TNC: variants seen among roughly 807,000 people sequenced by gnomAD.
The protein encoded by TNC is tenascin C, also known as tenascin.
In TNC, 109 loss-of-function variants were observed where a neutral mutation model predicts 202.4. The observed-to-expected ratio is 0.54, with a 90% confidence interval of 0.46 to 0.63. The LOEUF (loss-of-function observed/expected upper bound fraction) is 0.63, where lower values mean the gene tolerates loss of function less well. Among genes scored for constraint, TNC ranks in the 30% least tolerant of loss-of-function variants. The pLI is 0.00. For missense variants in TNC, 2,756 were observed against 2,833.3 expected, an observed-to-expected ratio of 0.97 and a Z score of 0.62; for synonymous variants, 1,007 against 1,089.7, an observed-to-expected ratio of 0.92 and a Z score of 1.50.
chr9:115,089,608 C>T (rs1218670718), intron 2 of TNC, among the ~76,000 whole-genome samples: 1 of 152,230 alleles, frequency 6.6e-6, no homozygotes, highest in African/African-American at 2.4e-5. Flanking sequence ...TCAAGTGATT[C>T]TCCTGCCTCA....
At chr9:115,116,763 C>T (rs536978445) in intron 1 of TNC, among the ~76,000 whole-genome samples, 15 of 152,240 alleles carry the variant, frequency 9.9e-5, no homozygotes, top group African/African-American at 3.1e-4. Context: ...CTTCCAGCCC[C>T]GGGCTACTAC....
Position 115,031,541 on chromosome 9 carries a change from G to A in TNC, c.5920+12C>T. ...AGATCTCAAGGCTGGATGGCACCCT[G>A]GGCCTCCTTACTTGTGGTGAAGATG... On this transcript the variant is annotated intron_variant, in intron 23 of 27. Coordinates refer to ENST00000350763, the MANE Select transcript of TNC (RefSeq NM_002160.4). The A allele has an allele frequency of 1.9e-6, 3 of 1,539,486 alleles. No individual in the cohort carries two copies. The highest frequency in any genetic ancestry group is 2.6e-6 in the Non-Finnish European group (3 of 1,142,892).
At chr9:115,037,501 C>T (rs1830419839) in intron 20 of TNC, among the ~76,000 whole-genome samples, 1 of 152,162 alleles carries the variant, frequency 6.6e-6, no homozygotes, top group African/African-American at 2.4e-5. Context: ...AACAAGAAAA[C>T]ATTTCTGTTT....
chr9:115,052,525 G>A, intron 15 of TNC, among the ~76,000 whole-genome samples: 1 of 150,054 alleles, frequency 6.7e-6, no homozygotes, highest in Non-Finnish European at 1.5e-5. Context: ...TGAGGTGATT[G>A]ATATGTTAAT....
chr9:115,030,249 CT>C lies in TNC; in HGVS notation c.6072+4del. ...GAGGGCTCTGCAGTCCCTGGTGGTA[CT>C]CACAATCCATCCACCCCCATCAGAG... On this transcript the variant is annotated splice_donor_region_variant and intron_variant, in intron 24 of 27. Transcript: ENST00000350763. The C allele has an allele frequency of 6.2e-7, 1 of 1,606,534 alleles. No individual in the cohort carries two copies.
In TNC at chr9:115,030,767, G is replaced by T. The variant is rs192976006; in HGVS notation, c.5921-362C>A. ...GAAGCACTTTCTTCAGCAGATGTGT[G>T]CAGAATGACTGTCCCGTGAATTTTC... On this transcript the variant is annotated intron_variant, in intron 23 of 27. Transcript: ENST00000350763. Among the ~76,000 whole-genome samples, 215 of 152,312 alleles carry T rather than the reference G, an allele frequency of 1.4e-3. 1 individual carries two copies. The highest frequency in any genetic ancestry group is 2.4e-3 in the Non-Finnish European group (162 of 68,022).
chr9:115,020,053 T>C lies in TNC; in HGVS notation c.*1104A>G, dbSNP rs1195088981. On this transcript the variant is annotated 3_prime_UTR_variant, in exon 28 of 28. Coordinates refer to ENST00000350763, the MANE Select transcript of TNC (RefSeq NM_002160.4). ...AAGCTTTTTTTTTCTTTTCTTTTTT[T>C]ATTTAGAGACAGGGTCTCCCTCTGT... 6.6e-6 allele frequency: 1 copy of C among 152,060 alleles called. No individual in the cohort carries two copies. The highest frequency in any genetic ancestry group is 2.4e-5 in the African/African-American group (1 of 41,378). 9.4% of individuals were successfully genotyped at this position (152,060 alleles called of 1,614,324 possible). A position where few individuals can be genotyped will look rare whatever the true frequency, so the allele number is the denominator to read the frequency against.
At position 115,063,115 on chromosome 9, in the gene TNC, G is replaced by T; in HGVS notation, c.3835C>A (p.Pro1279Thr). 1 of 1,614,142 alleles carries T rather than the reference G, an allele frequency of 6.2e-7. No individual in the cohort carries two copies. Residue 1279 changes from proline (P) to threonine (T), a missense_variant, in exon 13 of 28, where the codon CCA (proline) becomes ACA (threonine). This residue lies in a region of TNC where 2,559 missense variants were observed against 2,546.0 expected (regional missense o/e 1.01). Coordinates refer to ENST00000350763, the MANE Select transcript of TNC (RefSeq NM_002160.4). ...WDALRLNWTTPDGTYDQFTIQ... is the reference protein window; with the variant it reads ...WDALRLNWTTTDGTYDQFTIQ... ...GTAAACTGGTCATAGGTTCCATCTG[G>T]CGTGGTCCAGTTCAGTCTGAGAGCA... is the stretch of plus-strand genomic sequence containing the variant.
chr9:115,063,514 G>A (rs926540556), intron 12 of TNC, among the ~76,000 whole-genome samples: 5 of 152,036 alleles, frequency 3.3e-5, no homozygotes, highest in African/African-American at 1.2e-4. Flanking sequence ...TTTACAGGTT[G>A]GGCTTTCCAA....
chr9:115,055,485 C>A (rs1417013795), intron 15 of TNC: 1 of 151,038 alleles, frequency 6.6e-6, no homozygotes, highest in Non-Finnish European at 1.5e-5. Context: ...CCTGTGGTTG[C>A]TTGGACCATC....
chr9:115,077,619 CAT>C (rs1179316481), intron 7 of TNC, among the ~76,000 whole-genome samples: 1 of 152,210 alleles, frequency 6.6e-6, no homozygotes, highest in African/African-American at 2.4e-5. Flanking sequence ...GCTCATTTGT[CAT>C]ATATGTTTTC....
At chr9:115,114,193 G>A (rs1396878895) in intron 1 of TNC, among the ~76,000 whole-genome samples, 1 of 152,204 alleles carries the variant, frequency 6.6e-6, no homozygotes, top group Admixed American at 6.5e-5. Flanking sequence ...TGTTGAAGGT[G>A]TTCAAACTGG....
intron 1 of TNC, among the ~76,000 whole-genome samples, chr9:115,099,533 C>A (rs911545119): frequency 6.6e-6 from 1 of 152,178 alleles, no homozygotes; most frequent in East Asian, 1.9e-4. Flanking sequence ...AGTAGCAAAT[C>A]CAAAGGGTTC....
chr9:115,075,514 T>A lies in TNC; in HGVS notation c.2950+518A>T, dbSNP rs550905163. Among the ~76,000 whole-genome samples, 7 of 151,312 alleles carry A rather than the reference T, an allele frequency of 4.6e-5. No individual in the cohort carries two copies. In the South Asian group the frequency reaches 1.5e-3, roughly 32 times the overall value. ...TTCTTTAAAAAATCCCGGCTGGACA[T>A]AGTGACTCACACCTGTAATCCCAGC... is the stretch of plus-strand genomic sequence containing the variant. On this transcript the variant is annotated intron_variant, in intron 9 of 27. Transcript: ENST00000350763.
intron 2 of TNC, among the ~76,000 whole-genome samples, chr9:115,088,877 A>G (rs1355444031): frequency 1.3e-5 from 2 of 152,308 alleles, no homozygotes; most frequent in East Asian, 1.9e-4. Context: ...AGAAGTATCC[A>G]TTAATAATTT....
intron 1 of TNC, among the ~76,000 whole-genome samples, chr9:115,107,933 C>T (rs1243055310): frequency 1.3e-5 from 2 of 152,144 alleles, no homozygotes; most frequent in African/African-American, 2.4e-5. Flanking sequence ...GTTTTATGTA[C>T]TTCCTTTTTG....
intron 22 of TNC, among the ~76,000 whole-genome samples, chr9:115,033,650 A>C (rs1251718223): frequency 6.6e-6 from 1 of 152,240 alleles, no homozygotes; most frequent in African/African-American, 2.4e-5. Context: ...GGGGCATGAT[A>C]GTTATTAGCA....
intron 1 of TNC, among the ~76,000 whole-genome samples, chr9:115,105,397 C>T (rs966620017): frequency 2.0e-5 from 3 of 152,134 alleles, no homozygotes; most frequent in African/African-American, 7.2e-5. Flanking sequence ...TCATTGAATC[C>T]TCCCCAAGAC....
intron 1 of TNC, among the ~76,000 whole-genome samples, chr9:115,106,935 T>C (rs952113754): frequency 6.6e-6 from 1 of 152,164 alleles, no homozygotes; most frequent in Non-Finnish European, 1.5e-5. Context: ...TTCAAGAAAT[T>C]AGCCAGAGAG....
Sources: gnomAD v4.1 joint callset for allele counts (sites outside exome capture counted in the v4.1 genomes callset) on GRCh38, gnomAD v4.1.1 for gene constraint, gnomAD v4.1.1 regional missense constraint, MANE v1.5 for transcripts, NCBI Gene and HGNC (gene_info 2026-07-23, HGNC 2026-07-21) for gene names.